PARD3: variants seen among roughly 807,000 people sequenced by gnomAD.
PARD3 encodes partitioning defective 3 homolog.
In PARD3, 75 loss-of-function variants were observed where a neutral mutation model predicts 155.4. That is an observed-to-expected ratio of 0.48 (90% CI 0.40 to 0.58). The LOEUF is 0.58. Ranked by LOEUF, PARD3 falls within the 20% of genes least tolerant of loss-of-function variation. The pLI is 0.00. For synonymous variants in PARD3, 576 were observed against 610.5 expected, an observed-to-expected ratio of 0.94 and a Z score of 0.83; for missense variants, 1,642 against 1,721.7, an observed-to-expected ratio of 0.95 and a Z score of 0.82.
chr10:34,136,108 C>CA (rs1947881807), intron 22 of PARD3, among the ~76,000 whole-genome samples: 1 of 152,216 alleles, frequency 6.6e-6, no homozygotes, highest in Non-Finnish European at 1.5e-5. Flanking sequence ...ATTCTGCAGA[C>CA]GCTGCCTATT....
chr10:34,750,621 C>T (rs1400663929), intron 1 of PARD3, among the ~76,000 whole-genome samples: 2 of 151,776 alleles, frequency 1.3e-5, no homozygotes, highest in African/African-American at 4.8e-5. Context: ...CTTCTCTGAA[C>T]TAATTAAGTT....
At position 34,347,983 on chromosome 10, in the gene PARD3, C is replaced by A; in HGVS notation, c.2200G>T (p.Ala734Ser). The A allele has an allele frequency of 1.2e-6, 2 of 1,612,616 alleles. No individual in the cohort carries two copies. The highest frequency in any genetic ancestry group is 1.7e-6 in the Non-Finnish European group (2 of 1,179,302). The change falls in exon 15 of 25, where the codon GCC (alanine) becomes TCC (serine). Residue 734 changes from alanine (A) to serine (S), a missense_variant. Transcript: ENST00000374788. ...GLDESPSRNA[A>S]LSRIMGKYQL... Reference sequence around the variant, plus strand: ...GACTCACCCATTATCCTACTGAGGGCAGCATTTCTGCTGGGCGATTCATCA... The same window carrying A: ...GACTCACCCATTATCCTACTGAGGGAAGCATTTCTGCTGGGCGATTCATCA...
At chr10:34,772,566 TG>T (rs1347283806) in intron 1 of PARD3, among the ~76,000 whole-genome samples, 1 of 149,452 alleles carries the variant, frequency 6.7e-6, no homozygotes, top group African/African-American at 2.5e-5. Context: ...CTGAGGCGGG[TG>T]GATTACTTGA....
Position 34,686,306 on chromosome 10 carries a change from C to T in PARD3, c.222+10012G>A, listed in dbSNP as rs182238750. ...TTCCTATGGCTCTTTTCTGTCTTTT[C>T]ACTACATACTCAAGTTGCTTTTAAT... On this transcript the variant is annotated intron_variant, in intron 2 of 24. Transcript: ENST00000374788. Among the ~76,000 whole-genome samples the T allele has an allele frequency of 1.4e-3, 216 of 152,164 alleles. 3 individuals are homozygous for T. Among genetic ancestry groups the T allele is most frequent in the Non-Finnish European group, 3.8e-4 (26 of 68,008 alleles).
At chr10:34,785,990 A>T (rs947191768) in intron 1 of PARD3, among the ~76,000 whole-genome samples, 3 of 152,214 alleles carry the variant, frequency 2.0e-5, no homozygotes, top group African/African-American at 7.2e-5. Context: ...CCTGTCTCAA[A>T]AAAAAGGAAC....
chr10:34,230,118 G>A (rs1297226202), intron 22 of PARD3, among the ~76,000 whole-genome samples: 2 of 152,114 alleles, frequency 1.3e-5, no homozygotes, highest in African/African-American at 2.4e-5. Flanking sequence ...CTGAGCTGAG[G>A]AAACAATGTG....
At chr10:34,404,497 C>A (rs905508624) in intron 5 of PARD3, among the ~76,000 whole-genome samples, 2 of 152,066 alleles carry the variant, frequency 1.3e-5, no homozygotes, top group African/African-American at 4.8e-5. Context: ...TGAGATCCCG[C>A]CTCTATTTTT....
chr10:34,569,511 G>A (rs563137197), intron 2 of PARD3, among the ~76,000 whole-genome samples: 30 of 152,036 alleles, frequency 2.0e-4, no homozygotes, highest in South Asian at 1.9e-3. Context: ...TCTGCCTCCC[G>A]GGTTCATGCC....
At chr10:34,184,865 G>A (rs1950418162) in intron 22 of PARD3, among the ~76,000 whole-genome samples, 1 of 152,134 alleles carries the variant, frequency 6.6e-6, no homozygotes, top group Non-Finnish European at 1.5e-5. Flanking sequence ...CAGAGGTCTT[G>A]ACTTTTAGAA....
intron 3 of PARD3, among the ~76,000 whole-genome samples, chr10:34,508,830 G>A (rs1348375197): frequency 6.6e-6 from 1 of 152,286 alleles, no homozygotes; most frequent in Non-Finnish European, 1.5e-5. Context: ...CCCAGGAAGT[G>A]GATCTGCACT....
At chr10:34,369,363 A>G (rs903009167) in intron 12 of PARD3, among the ~76,000 whole-genome samples, 1 of 151,442 alleles carries the variant, frequency 6.6e-6, no homozygotes, top group African/African-American at 2.4e-5. Flanking sequence ...CTTATCTGCT[A>G]TCGTTAGTGT....
intron 1 of PARD3, among the ~76,000 whole-genome samples, chr10:34,786,329 G>T (rs1840960193): frequency 6.6e-6 from 1 of 152,168 alleles, no homozygotes; most frequent in African/African-American, 2.4e-5. Flanking sequence ...AGTATTTTGT[G>T]TTCTGGCCAA....
intron 2 of PARD3, among the ~76,000 whole-genome samples, chr10:34,685,374 A>G (rs749239587): frequency 6.6e-6 from 1 of 152,330 alleles, no homozygotes. Context: ...CTCCTGGGCT[A>G]CATCCACTTC....
At chr10:34,199,694 T>TGGA (rs1290825949) in intron 22 of PARD3, among the ~76,000 whole-genome samples, 2 of 152,194 alleles carry the variant, frequency 1.3e-5, no homozygotes, top group African/African-American at 4.8e-5. Context: ...CTACTAGTTG[T>TGGA]GGAGCAAGAG....
intron 20 of PARD3, among the ~76,000 whole-genome samples, chr10:34,286,457 T>C (rs1242082333): frequency 6.6e-6 from 1 of 152,204 alleles, no homozygotes; most frequent in African/African-American, 2.4e-5. Flanking sequence ...ATGGCCTCTC[T>C]CCTAAGTCGA....
intron 2 of PARD3, among the ~76,000 whole-genome samples, chr10:34,613,894 C>T (rs2489663): frequency 0.52 from 78,574 of 151,980 alleles, 23,238 homozygotes; most frequent in African/African-American, 0.83. Context: ...TCACAAGCTA[C>T]GAATTTATCA....
At chr10:34,174,101 G>T (rs920444117) in intron 22 of PARD3, among the ~76,000 whole-genome samples, 6 of 152,148 alleles carry the variant, frequency 3.9e-5, no homozygotes, top group African/African-American at 1.4e-4. Flanking sequence ...CTGTGTCAGG[G>T]ATGTCACCAA....
At chr10:34,359,378 T>G in intron 13 of PARD3, 61 bp from the exon 14 acceptor site, 1 of 1,201,792 alleles carries the variant, frequency 8.3e-7, no homozygotes, top group Non-Finnish European at 1.2e-6. Flanking sequence ...AGAAGTAGCT[T>G]TTCCTTTAGT....
At chr10:34,263,917 T>C (rs1267476221) in intron 22 of PARD3, among the ~76,000 whole-genome samples, 1 of 152,244 alleles carries the variant, frequency 6.6e-6, no homozygotes, top group Non-Finnish European at 1.5e-5. Context: ...GCTCATTACT[T>C]AATTTCACAA....
Sources: gnomAD v4.1 joint callset for allele counts (sites outside exome capture counted in the v4.1 genomes callset) on GRCh38, gnomAD v4.1.1 for gene constraint, MANE v1.5 for transcripts, NCBI Gene and HGNC (gene_info 2026-07-23, HGNC 2026-07-21) for gene names.